TWF1: variants seen among roughly 807,000 people sequenced by gnomAD.
TWF1 encodes twinfilin actin binding protein 1.
TWF1 carries 14 observed loss-of-function variants against 47.9 expected under a neutral mutation model. The observed-to-expected ratio is 0.29, with a 90% CI of 0.19 to 0.46. The LOEUF (loss-of-function observed/expected upper bound fraction) is 0.46. Among genes scored for constraint, TWF1 ranks in the 20% least tolerant of loss-of-function variants. The pLI, the probability that TWF1 is intolerant of heterozygous loss-of-function variation, is 1.00. For missense variants in TWF1, 281 were observed against 409.3 expected (o/e 0.69, Z 2.70); for synonymous variants, 96 against 139.2 (o/e 0.69, Z 2.18).
intron 8 of TWF1, 69 bp downstream of exon 8, chr12:43,796,907 A>G: frequency 6.9e-7 from 1 of 1,457,234 alleles, no homozygotes; most frequent in African/African-American, 1.4e-5. Flanking sequence ...ATCACAGTAC[A>G]TCATAAACTA....
chr12:43,793,852 A>C lies in TWF1; in HGVS notation c.*1733T>G, dbSNP rs1436827932. The C allele has an allele frequency of 2.0e-5, 3 of 152,654 alleles. No homozygotes were observed. The highest frequency in any genetic ancestry group is 6.5e-5 in the Admixed American group (1 of 15,286). The allele number at this position is 152,654 out of a possible 1,614,324, so 9.5% of individuals were successfully genotyped here. On this transcript the variant is annotated 3_prime_UTR_variant, in exon 9 of 9. Transcript: ENST00000395510. The stretch of plus-strand genomic sequence containing the variant: ...TTCACCATCTAGGTATGATACTGCC[A>C]ACTAAAACATACTGTAAACGATGAG...
chr12:43,804,206 A>C, intron 2 of TWF1: 1 of 468,034 alleles, frequency 2.1e-6, no homozygotes, highest in Non-Finnish European at 4.2e-6. Context: ...CAGAGATGGA[A>C]GCACTGACAT....
chr12:43,796,884 T>G lies in TWF1; in HGVS notation c.882+92A>C, dbSNP rs1592276318. 2.2e-6 allele frequency: 3 copies of G among 1,339,576 alleles called. No individual in the cohort carries two copies. The East Asian group carries it at 7.0e-5, about 31-fold the overall frequency. 83.0% of individuals were successfully genotyped at this position (1,339,576 alleles called of 1,614,324 possible). On this transcript the variant is annotated intron_variant, in intron 8 of 8. Coordinates refer to ENST00000395510, the MANE Select transcript of TWF1 (RefSeq NM_002822.5). Reference sequence around the variant, plus strand: ...AGGATGATAACAAGAAAAATAAATATTTTCATTTATAAATCACAGTACATC... The same window carrying G: ...AGGATGATAACAAGAAAAATAAATAGTTTCATTTATAAATCACAGTACATC...
intron 2 of TWF1, chr12:43,804,263 G>A: frequency 1.9e-6 from 1 of 518,398 alleles, no homozygotes; most frequent in Non-Finnish European, 3.6e-6. Flanking sequence ...AAGTAAAAGA[G>A]GAAGAAGTCA....
intron 8 of TWF1, 95 bp downstream of exon 8, chr12:43,796,881 A>C: frequency 7.5e-7 from 1 of 1,326,858 alleles, no homozygotes; most frequent in Non-Finnish European, 1.1e-6. Context: ...AGAAAAATAA[A>C]TATTTTCATT....
In TWF1 at chr12:43,804,558, T is replaced by C; in HGVS notation, c.40A>G (p.Lys14Glu). The change falls in exon 2 of 9, where the codon AAA becomes GAA. Residue 14 changes from lysine to glutamate, a missense_variant. Physicochemically the swap from Lys to Glu is moderately conservative, Grantham distance 56. Transcript: ENST00000395510. ...QTGIQASEDVKEIFARARNGK... is the reference protein window; with the variant it reads ...QTGIQASEDVEEIFARARNGK... Reference sequence around the variant, plus strand: ...TTTCTGGCTCTGGCAAAGATCTCTTTAACATCTTCACTTGCTGTGGAAAAA... The same window carrying C: ...TTTCTGGCTCTGGCAAAGATCTCTTCAACATCTTCACTTGCTGTGGAAAAA... 6.2e-7 allele frequency: 1 copy of C among 1,600,348 alleles called. No homozygotes were observed. The highest frequency in any genetic ancestry group is 8.5e-7 in the Non-Finnish European group (1 of 1,174,208).
rs773905008 is a variant in TWF1, at chr12:43,802,402, A to T, written c.166T>A (p.Phe56Ile). 1.2e-6 allele frequency: 2 copies of T among 1,606,710 alleles called. No individual in the cohort carries two copies. Among genetic ancestry groups the T allele is most frequent in the Non-Finnish European group, 1.7e-6 (2 of 1,177,384 alleles). Reference protein sequence around the residue: ...SDSWDKDYDSFVLPLLEDKQP... With the variant: ...SDSWDKDYDSIVLPLLEDKQP... ...TTGTCCTCCAACAGGGGTAAAACAA[A>T]GGAATCATAATCCTTATCCCAGGAA... Residue 56 changes from phenylalanine (F) to isoleucine (I), a missense_variant, in exon 3 of 9, where the codon TTT becomes ATT. Coordinates refer to ENST00000395510, the MANE Select transcript of TWF1 (RefSeq NM_002822.5).
Position 43,800,486 on chromosome 12 carries a change from C to T in TWF1, c.327G>A (p.Lys109=). The change falls in exon 4 of 9, where the codon AAG becomes AAA. Residue 109 remains lysine (K), a synonymous_variant. Coordinates refer to ENST00000395510, the MANE Select transcript of TWF1 (RefSeq NM_002822.5). Reference sequence around the variant, plus strand: ...TAATGTGGCCACCTCCAAATTCCTTCTTCAGAGTTGCTCTTGTTGCTGCAT... The same window carrying T: ...TAATGTGGCCACCTCCAAATTCCTTTTTCAGAGTTGCTCTTGTTGCTGCAT... ...MLYAATRATL[K]KEFGGGHIKD... is the part of the protein sequence containing the mutation. 1 of 1,613,826 alleles carries T rather than the reference C, an allele frequency of 6.2e-7. No homozygotes were observed. Among genetic ancestry groups the T allele is most frequent in the Non-Finnish European group, 8.5e-7 (1 of 1,179,942 alleles).
intron 1 of TWF1, 63 bp downstream of exon 1, chr12:43,806,158 C>CCTCCCAGCT: frequency 6.5e-7 from 1 of 1,534,324 alleles, no homozygotes; most frequent in Non-Finnish European, 8.7e-7. Context: ...GTCCTGCAGC[C>CCTCCCAGCT]CTCCCGGCTC....
At chr12:43,801,891 G>T (rs769003549) in intron 3 of TWF1, among the ~76,000 whole-genome samples, 1 of 152,148 alleles carries the variant, frequency 6.6e-6, no homozygotes, top group Non-Finnish European at 1.5e-5. Context: ...TTAGCTGGGC[G>T]TGGTGGCACA....
intron 3 of TWF1, among the ~76,000 whole-genome samples, 181 bp downstream of exon 3, chr12:43,802,105 G>A (rs1942671968): frequency 1.3e-5 from 2 of 152,122 alleles, no homozygotes; most frequent in Non-Finnish European, 2.9e-5. Flanking sequence ...GATTTCAAGG[G>A]CAAAACTCCC....
chr12:43,805,888 A>G (rs766984530), intron 1 of TWF1: 2 of 1,456,000 alleles, frequency 1.4e-6, no homozygotes, highest in African/African-American at 2.8e-5. Flanking sequence ...GCTCTTCCCT[A>G]CGTGACCAAA....
At chr12:43,798,522 T>A in intron 5 of TWF1, 1 of 1,484,708 alleles carries the variant, frequency 6.7e-7, no homozygotes, top group Non-Finnish European at 8.9e-7. Context: ...GCATAAATGA[T>A]ATTGGTTAAT....
In TWF1 at chr12:43,795,731, A is replaced by G. The variant is rs1375239110; in HGVS notation, c.907T>C (p.Leu303=). ...RKIEIDNGDE[L]TADFLYEEVH... ...TCTTCATAAAGGAAGTCTGCAGTCA[A>G]CTCATCCCCATTGTCTATCTCGATC... Residue 303 remains leucine, a synonymous_variant, in exon 9 of 9, where the codon TTG becomes CTG. Transcript: ENST00000395510. The G allele has an allele frequency of 3.1e-6, 5 of 1,613,768 alleles. No homozygotes were observed. In the South Asian group the frequency reaches 4.4e-5, roughly 14 times the overall value.
chr12:43,795,854 G>C (rs115051300), intron 8 of TWF1, 99 bp from the exon 9 acceptor site: 6 of 1,205,404 alleles, frequency 5.0e-6, no homozygotes, highest in African/African-American at 3.0e-5. Flanking sequence ...ACCCTTTCCA[G>C]TAAGGCAGAA....
chr12:43,805,752 G>C (rs776156761), intron 1 of TWF1: 359 of 1,321,816 alleles, frequency 2.7e-4, no homozygotes, highest in Non-Finnish European at 3.3e-4. Context: ...CTACTGATGT[G>C]AGAAAGATTC....
At chr12:43,800,336 A>G (rs1176994269) in intron 4 of TWF1, 99 bp downstream of exon 4, 6 of 794,320 alleles carry the variant, frequency 7.6e-6, no homozygotes, top group Non-Finnish European at 1.2e-5. Context: ...TCATGTTTTC[A>G]GATTATCCAT....
At chr12:43,805,686 A>AT (rs752223363) in intron 1 of TWF1, 1 of 805,416 alleles carries the variant, frequency 1.2e-6, no homozygotes, top group Non-Finnish European at 1.8e-6. Context: ...TTCTCAGAAC[A>AT]TAACTCTCAT....
Position 43,797,840 on chromosome 12 carries a change from A to C in TWF1, c.484-7T>G, listed in dbSNP as rs373979274. 1.2e-6 allele frequency: 2 copies of C among 1,608,376 alleles called. No individual in the cohort carries two copies. Among genetic ancestry groups the C allele is most frequent in the Non-Finnish European group, 1.7e-6 (2 of 1,177,788 alleles). On this transcript the variant is annotated splice_region_variant and splice_polypyrimidine_tract_variant and intron_variant, in intron 5 of 8. Coordinates refer to ENST00000395510, the MANE Select transcript of TWF1 (RefSeq NM_002822.5). ...CACCCACGTCAGTCTGTACCTAAGTATGACAGATTTAATTTACAAGTTTAG... is the reference window on the plus strand; with the variant it reads ...CACCCACGTCAGTCTGTACCTAAGTCTGACAGATTTAATTTACAAGTTTAG...
Sources: gnomAD v4.1 joint callset for allele counts (sites outside exome capture counted in the v4.1 genomes callset) on GRCh38, gnomAD v4.1.1 for gene constraint, MANE v1.5 for transcripts, NCBI Gene and HGNC (gene_info 2026-07-23, HGNC 2026-07-21) for gene names.